DNAI7: variants seen among roughly 807,000 people sequenced by gnomAD.
DNAI7 encodes cancer susceptibility 1.
In DNAI7, 78 loss-of-function variants were observed where a neutral mutation model predicts 86.6. That is an observed-to-expected ratio of 0.90 (90% CI 0.75 to 1.09). The LOEUF is 1.09. Among genes scored for constraint, DNAI7 ranks in the 50% least tolerant of loss-of-function variants. The pLI is 0.00. For missense variants in DNAI7, 753 were observed against 810.2 expected, an observed-to-expected ratio of 0.93 and a Z score of 0.86; for synonymous variants, 274 against 273.0, an observed-to-expected ratio of 1.00 and a Z score of -0.04.
intron 9 of DNAI7, among the ~76,000 whole-genome samples, chr12:25,135,415 G>A (rs959450894): frequency 3.9e-5 from 6 of 152,190 alleles, no homozygotes; most frequent in African/African-American, 7.2e-5. Flanking sequence ...CAGGGAGAAG[G>A]AAACTTCTAG....
intron 4 of DNAI7, among the ~76,000 whole-genome samples, chr12:25,155,861 G>A (rs1946097139): frequency 6.6e-6 from 1 of 152,238 alleles, no homozygotes; most frequent in South Asian, 2.1e-4. Context: ...TGTAATCCCA[G>A]CACTTTGGGA....
intron 9 of DNAI7, among the ~76,000 whole-genome samples, chr12:25,138,827 C>A (rs7488357): frequency 1.3e-5 from 2 of 149,896 alleles, no homozygotes; most frequent in East Asian, 1.9e-4. Context: ...CAAACCCAAA[C>A]AAAGCAGAAG....
At chr12:25,109,576 A>G (rs775582242) in intron 15 of DNAI7, among the ~76,000 whole-genome samples, 4 of 151,980 alleles carry the variant, frequency 2.6e-5, no homozygotes, top group Middle Eastern at 3.2e-3. Flanking sequence ...TCTTGAGTCA[A>G]TTTGTAAACA....
Position 25,158,562 on chromosome 12 carries a change from C to T in DNAI7, c.108G>A (p.Glu36=). The T allele has an allele frequency of 1.2e-6, 2 of 1,609,872 alleles. No individual in the cohort carries two copies. Among genetic ancestry groups the T allele is most frequent in the South Asian group, 1.1e-5 (1 of 90,482 alleles). The change falls in exon 4 of 16, where the codon GAG becomes GAA. Residue 36 remains glutamate (E), a splice_region_variant and synonymous_variant. Transcript: ENST00000395987. The stretch of plus-strand genomic sequence containing the variant: ...CTTTCTCATATTTCAAACGGGCTTC[C>T]TCTAAAGAACCAAAAATAATTTTTT... ...EEEERRLKEE[E]EARLKYEKEE...
At chr12:25,121,349 ACAG>A (rs1941262079) in intron 11 of DNAI7, among the ~76,000 whole-genome samples, 2 of 152,230 alleles carry the variant, frequency 1.3e-5, no homozygotes, top group South Asian at 4.1e-4. Flanking sequence ...TCGTTTATAC[ACAG>A]CAGTTTTAGT....
At chr12:25,110,334 G>A (rs1380120811) in intron 14 of DNAI7, 94 bp from the exon 15 acceptor site, 13 of 701,404 alleles carry the variant, frequency 1.9e-5, no homozygotes, top group East Asian at 7.6e-5. Flanking sequence ...CAACACAGAC[G>A]GATCCACTTA....
At chr12:25,113,227 C>T (rs1939312933) in intron 13 of DNAI7, among the ~76,000 whole-genome samples, 1 of 152,156 alleles carries the variant, frequency 6.6e-6, no homozygotes, top group South Asian at 2.1e-4. Context: ...CACTTGCACA[C>T]TAATAATTCT....
At chr12:25,158,743 A>C in intron 3 of DNAI7, 180 bp from the exon 4 acceptor site, 2 of 1,426,368 alleles carry the variant, frequency 1.4e-6, no homozygotes, top group Non-Finnish European at 1.8e-6. Context: ...AGTAACTACA[A>C]GAAAAAATCA....
At chr12:25,136,052 C>A (rs1943514825) in intron 9 of DNAI7, among the ~76,000 whole-genome samples, 1 of 152,180 alleles carries the variant, frequency 6.6e-6, no homozygotes, top group Non-Finnish European at 1.5e-5. Context: ...GCAGCTGATG[C>A]CCTCTTGAAA....
At chr12:25,159,336 T>G (rs1946574811) in intron 3 of DNAI7, among the ~76,000 whole-genome samples, 1 of 151,972 alleles carries the variant, frequency 6.6e-6, no homozygotes, top group Admixed American at 6.6e-5. Flanking sequence ...TAACTCCTAC[T>G]GATAGCTTCT....
At chr12:25,118,308 G>T (rs10842472) in intron 12 of DNAI7, among the ~76,000 whole-genome samples, 2 of 151,764 alleles carry the variant, frequency 1.3e-5, no homozygotes, top group Non-Finnish European at 2.9e-5. Context: ...CTGTGGCCCA[G>T]ACTGGAGTAC....
chr12:25,152,092 G>T (rs1180556507), intron 6 of DNAI7, among the ~76,000 whole-genome samples: 1 of 152,158 alleles, frequency 6.6e-6, no homozygotes, highest in Non-Finnish European at 1.5e-5. Context: ...GACATAAAAA[G>T]AAATAAATAT....
chr12:25,162,078 G>T (rs1467814398), intron 2 of DNAI7, among the ~76,000 whole-genome samples: 1 of 152,078 alleles, frequency 6.6e-6, no homozygotes, highest in Non-Finnish European at 1.5e-5. Flanking sequence ...TAAATTTGTG[G>T]CCAAAGGATT....
intron 2 of DNAI7, among the ~76,000 whole-genome samples, chr12:25,181,905 T>C (rs897040311): frequency 1.4e-4 from 21 of 152,136 alleles, no homozygotes; most frequent in Non-Finnish European, 2.6e-4. Context: ...AAAAGGGAAC[T>C]GTTGGTATGA....
intron 2 of DNAI7, among the ~76,000 whole-genome samples, chr12:25,173,450 A>C (rs1470035230): frequency 2.0e-5 from 3 of 152,092 alleles, no homozygotes; most frequent in Non-Finnish European, 4.4e-5. Flanking sequence ...AAAAAGAAAC[A>C]CTAAATGTTG....
chr12:25,113,985 G>A (rs1446594065), intron 13 of DNAI7, among the ~76,000 whole-genome samples: 7 of 112,674 alleles, frequency 6.2e-5, no homozygotes, highest in African/African-American at 2.5e-4. Flanking sequence ...TCACTCTGTT[G>A]CCCAGGCTGG....
intron 9 of DNAI7, among the ~76,000 whole-genome samples, chr12:25,125,262 C>T (rs185048479): frequency 9.2e-5 from 14 of 152,282 alleles, no homozygotes; most frequent in Non-Finnish European, 1.9e-4. Flanking sequence ...CCCTATTCCC[C>T]GCAACCTCAC....
At chr12:25,164,777 T>C (rs944813732) in intron 2 of DNAI7, among the ~76,000 whole-genome samples, 1 of 151,946 alleles carries the variant, frequency 6.6e-6, no homozygotes, top group Admixed American at 6.6e-5. Flanking sequence ...TCCTAATCTT[T>C]CTTTTCTACA....
chr12:25,190,629 A>G lies in DNAI7; in HGVS notation c.6T>C (p.Gly2=). 7.1e-7 allele frequency: 1 copy of G among 1,410,222 alleles called. No homozygotes were observed. The highest frequency in any genetic ancestry group is 1.4e-5 in the African/African-American group (1 of 69,560). 87.4% of individuals were successfully genotyped at this position (1,410,222 alleles called of 1,614,324 possible). A position where few individuals can be genotyped will look rare whatever the true frequency, so the allele number is the denominator to read the frequency against. ...TTCTACATACCTTTTTTGCTTTGGG[A>G]CCCTAAAAGTTGGAAAACAAAAGAA... is the stretch of plus-strand genomic sequence containing the variant. M[G]PKAKKSGSKK... is the part of the protein sequence containing the mutation. Residue 2 remains glycine, a splice_region_variant and synonymous_variant, in exon 2 of 16, where the codon GGT becomes GGC. Coordinates refer to ENST00000395987, the MANE Select transcript of DNAI7 (RefSeq NM_018272.5).
Sources: allele counts gnomAD v4.1 joint callset (sites outside exome capture counted in the v4.1 genomes callset), GRCh38; gene constraint gnomAD v4.1.1; transcripts MANE v1.5; gene names NCBI Gene and HGNC (gene_info 2026-07-23, HGNC 2026-07-21).